Variants in NR2F1-AS1 observed in about 807,000 individuals in gnomAD.
NR2F1-AS1 encodes the protein NR2F1 antisense RNA 1.
At chr5:93,428,613 T>C (rs1247262524) in intron 4 of NR2F1-AS1, among the ~76,000 whole-genome samples, 2 of 152,120 alleles carry the variant, frequency 1.3e-5, no homozygotes, top group Middle Eastern at 3.2e-3. Context: ...TTCCATAGAG[T>C]TAAATAGTTT....
At chr5:93,483,520 C>A (rs1750647269) in intron 4 of NR2F1-AS1, among the ~76,000 whole-genome samples, 6 of 151,964 alleles carry the variant, frequency 3.9e-5, no homozygotes, top group Admixed American at 6.6e-5. Flanking sequence ...CTGAAAATTC[C>A]AAAAACCAGA....
At chr5:93,475,924 A>C (rs1305419642) in intron 4 of NR2F1-AS1, among the ~76,000 whole-genome samples, 3 of 152,244 alleles carry the variant, frequency 2.0e-5, no homozygotes, top group Non-Finnish European at 2.9e-5. Context: ...TACTAAAATC[A>C]CATTAGTTCA....
At chr5:93,516,376 G>C (rs531461111) in intron 4 of NR2F1-AS1, among the ~76,000 whole-genome samples, 1 of 151,888 alleles carries the variant, frequency 6.6e-6, no homozygotes, top group Non-Finnish European at 1.5e-5. Context: ...TTCTAATAAA[G>C]AGTATGGTTG....
chr5:93,529,974 A>G (rs1212211115), intron 4 of NR2F1-AS1, among the ~76,000 whole-genome samples: 1 of 152,168 alleles, frequency 6.6e-6, no homozygotes, highest in African/African-American at 2.4e-5. Flanking sequence ...TTGTCCAAAA[A>G]TAAATCACAG....
intron 4 of NR2F1-AS1, among the ~76,000 whole-genome samples, chr5:93,455,227 A>G (rs570893414): frequency 6.6e-6 from 1 of 152,328 alleles, no homozygotes; most frequent in African/African-American, 2.4e-5. Flanking sequence ...AGGAGGAAAA[A>G]AAGTTTTATC....
chr5:93,473,330 C>T (rs1750409212), intron 4 of NR2F1-AS1, among the ~76,000 whole-genome samples: 1 of 151,786 alleles, frequency 6.6e-6, no homozygotes, highest in Admixed American at 6.6e-5. Context: ...TTCTGTTGAT[C>T]TTTAGCGATA....
At chr5:93,534,954 C>T (rs1751809435) in intron 4 of NR2F1-AS1, among the ~76,000 whole-genome samples, 1 of 152,156 alleles carries the variant, frequency 6.6e-6, no homozygotes, top group East Asian at 1.9e-4. Context: ...CAAAAACTAT[C>T]TGTTTCAGAA....
At chr5:93,563,643 T>C (rs1285923240) in intron 1 of NR2F1-AS1, among the ~76,000 whole-genome samples, 2 of 152,136 alleles carry the variant, frequency 1.3e-5, no homozygotes, top group Non-Finnish European at 2.9e-5. Context: ...AATAAAGCAA[T>C]GCCTAAATAA....
At chr5:93,451,144 T>G (rs1051540989) in intron 4 of NR2F1-AS1, among the ~76,000 whole-genome samples, 2 of 152,036 alleles carry the variant, frequency 1.3e-5, no homozygotes, top group South Asian at 2.1e-4. Context: ...TTCAGGAAAG[T>G]GATACCCCAG....
intron 4 of NR2F1-AS1, among the ~76,000 whole-genome samples, chr5:93,528,563 G>T (rs1441148999): frequency 1.3e-5 from 2 of 152,122 alleles, no homozygotes; most frequent in Non-Finnish European, 2.9e-5. Flanking sequence ...ATACCCAAAG[G>T]ATTATAAATC....
At chr5:93,524,123 A>C (rs753108509) in intron 4 of NR2F1-AS1, among the ~76,000 whole-genome samples, 22 of 152,042 alleles carry the variant, frequency 1.4e-4, no homozygotes, top group Non-Finnish European at 2.5e-4. Flanking sequence ...AGGTAAGACG[A>C]ATTGCTAACT....
At position 93,579,410 on chromosome 5, in the gene NR2F1-AS1, G is replaced by A. The variant is rs550504053; in HGVS notation, n.313+1057C>T. On this transcript the variant is annotated intron_variant and non_coding_transcript_variant, in intron 1 of 5. Transcript: ENST00000660523. This position sits in a 1 kb window ranked among gnomAD's most constrained non-coding sequence, Gnocchi z 5.1. Reference sequence around the variant, plus strand: ...TCTCCCCACCGCTAGGGTCACGCCGGGTCCCAGGGGCCTCTTTCAAGTTTG... The same window carrying A: ...TCTCCCCACCGCTAGGGTCACGCCGAGTCCCAGGGGCCTCTTTCAAGTTTG... 4.4e-4 allele frequency among the ~76,000 whole-genome samples: 67 copies of A among 152,284 alleles called. No individual in the cohort carries two copies. Among genetic ancestry groups the A allele is most frequent in the Admixed American group, 1.5e-3 (23 of 15,308 alleles).
chr5:93,525,569 C>T (rs779706460), intron 4 of NR2F1-AS1, among the ~76,000 whole-genome samples: 5 of 152,196 alleles, frequency 3.3e-5, no homozygotes, highest in Non-Finnish European at 1.5e-5. Flanking sequence ...CTTCTCAGCA[C>T]CACATTGCAT....
chr5:93,517,074 C>G (rs1217179625), intron 4 of NR2F1-AS1, among the ~76,000 whole-genome samples: 3 of 151,864 alleles, frequency 2.0e-5, no homozygotes, highest in African/African-American at 7.2e-5. Flanking sequence ...TCTTATCAAT[C>G]AATTCACATT....
chr5:93,437,218 T>C (rs1169792932), intron 4 of NR2F1-AS1, among the ~76,000 whole-genome samples: 2 of 152,144 alleles, frequency 1.3e-5, no homozygotes, highest in Non-Finnish European at 2.9e-5. Context: ...CACATAGCTA[T>C]TGAGCACTTG....
At chr5:93,496,260 T>C (rs959281333) in intron 4 of NR2F1-AS1, among the ~76,000 whole-genome samples, 1 of 152,190 alleles carries the variant, frequency 6.6e-6, no homozygotes, top group African/African-American at 2.4e-5. Flanking sequence ...GCTGCTTACG[T>C]CTTGCTTTGC....
chr5:93,473,375 ATACT>A (rs1750410727), intron 4 of NR2F1-AS1, among the ~76,000 whole-genome samples: 1 of 151,926 alleles, frequency 6.6e-6, no homozygotes, highest in Non-Finnish European at 1.5e-5. Context: ...TTATCTAAAA[ATACT>A]TACAGTTCAC....
chr5:93,443,170 A>G (rs913641353), intron 4 of NR2F1-AS1, among the ~76,000 whole-genome samples: 2 of 152,228 alleles, frequency 1.3e-5, no homozygotes, highest in African/African-American at 4.8e-5. Flanking sequence ...CTCACCAGCA[A>G]TGGAACAAAG....
intron 4 of NR2F1-AS1, among the ~76,000 whole-genome samples, chr5:93,427,008 A>G (rs768518704): frequency 1.6e-4 from 25 of 152,212 alleles, no homozygotes; most frequent in Non-Finnish European, 2.8e-4. Context: ...ATCACCATTT[A>G]TAAGTATACC....
Sources: gnomAD v4.1 joint callset for allele counts (sites outside exome capture counted in the v4.1 genomes callset) on GRCh38, gnomAD v4.1.1 for gene constraint, Gnocchi (gnomAD v3.1) non-coding constraint, MANE v1.5 for transcripts, NCBI Gene and HGNC (gene_info 2026-07-23, HGNC 2026-07-21) for gene names.